The following METTL8 variants were observed in gnomAD, a reference collection of about 807,000 sequenced individuals.
METTL8 encodes the protein tRNA N(3)-cytidine methyltransferase METTL8, mitochondrial.
Under a neutral mutation model 48.7 loss-of-function variants are expected in METTL8, and 32 were observed. The observed-to-expected ratio is 0.66, with a 90% CI of 0.50 to 0.88. METTL8 has a LOEUF of 0.88. METTL8 is among the 40% of genes least tolerant of loss of function. The pLI is 0.00. For synonymous variants in METTL8, 136 were observed against 157.1 expected (o/e 0.87, Z 1.01); for missense variants, 464 against 474.4 (o/e 0.98, Z 0.20).
intron 1 of METTL8, among the ~76,000 whole-genome samples, chr2:171,410,011 A>G (rs1690588332): frequency 6.6e-6 from 1 of 152,246 alleles, no homozygotes; most frequent in Non-Finnish European, 1.5e-5. Flanking sequence ...AAAAAAATCA[A>G]TAAATTTAAG....
At chr2:171,361,554 A>G (rs947542873) in intron 2 of METTL8, among the ~76,000 whole-genome samples, 3 of 152,220 alleles carry the variant, frequency 2.0e-5, no homozygotes, top group African/African-American at 2.4e-5. Context: ...TTTATTACAT[A>G]TCAGGTATTG....
chr2:171,330,652 T>A lies in METTL8; in HGVS notation c.767A>T (p.Asp256Val). The change falls in exon 7 of 10, where the codon GAT becomes GTT. Residue 256 changes from aspartate to valine, a missense_variant. Physicochemically the swap from Asp to Val is radical, Grantham distance 152 (BLOSUM62 -3). Transcript: ENST00000375258. ...RATQCFAFVH[D>V]VCDDGLPYPF... ...GTAAGGTAAGCCATCATCACATACA[T>A]CATGAACAAAGGCAAAACACTGGGT... The A allele has an allele frequency of 6.2e-7, 1 of 1,613,322 alleles. No individual in the cohort carries two copies. The highest frequency in any genetic ancestry group is 2.2e-5 in the East Asian group (1 of 44,860).
intron 1 of METTL8, among the ~76,000 whole-genome samples, chr2:171,431,570 C>T (rs1379699703): frequency 1.3e-5 from 2 of 152,344 alleles, no homozygotes; most frequent in South Asian, 2.1e-4. Context: ...CTTCTCTGTC[C>T]TCCTCACCCT....
At chr2:171,341,467 G>A (rs1269269212) in intron 3 of METTL8, among the ~76,000 whole-genome samples, 1 of 151,752 alleles carries the variant, frequency 6.6e-6, no homozygotes, top group Non-Finnish European at 1.5e-5. Context: ...TCAAACTCCT[G>A]ACCTCAAGTG....
chr2:171,359,264 A>G (rs1684912565), intron 3 of METTL8, among the ~76,000 whole-genome samples: 1 of 152,214 alleles, frequency 6.6e-6, no homozygotes, highest in Non-Finnish European at 1.5e-5. Context: ...AAAAATGCTC[A>G]ATATCACTAA....
intron 5 of METTL8, among the ~76,000 whole-genome samples, chr2:171,334,768 T>C (rs944304238): frequency 3.3e-5 from 5 of 152,108 alleles, no homozygotes; most frequent in African/African-American, 1.2e-4. Context: ...ACCAAGAGCT[T>C]GCAATTATAA....
chr2:171,393,009 C>A (rs988705646), intron 1 of METTL8, among the ~76,000 whole-genome samples: 2 of 151,712 alleles, frequency 1.3e-5, no homozygotes, highest in African/African-American at 2.4e-5. Flanking sequence ...GAGGCTGAGG[C>A]AAGAGAATCG....
At chr2:171,411,830 T>C (rs1690786119) in intron 1 of METTL8, among the ~76,000 whole-genome samples, 1 of 152,178 alleles carries the variant, frequency 6.6e-6, no homozygotes, top group Non-Finnish European at 1.5e-5. Flanking sequence ...ATTGCTTACA[T>C]TTAAATGTAT....
chr2:171,392,222 A>G (rs1321686304), intron 1 of METTL8, 25 bp from the exon 2 acceptor site: 3 of 1,533,848 alleles, frequency 2.0e-6, no homozygotes, highest in Non-Finnish European at 2.6e-6. Flanking sequence ...ATGATTAATT[A>G]GTCAACATAG....
At chr2:171,378,483 T>G (rs1197817750) in intron 2 of METTL8, among the ~76,000 whole-genome samples, 1 of 151,866 alleles carries the variant, frequency 6.6e-6, no homozygotes, top group Non-Finnish European at 1.5e-5. Flanking sequence ...AATACAAAAA[T>G]TAGCTGGGTG....
At position 171,346,526 on chromosome 2, in the gene METTL8, A is replaced by G. The variant is rs1219409269; in HGVS notation, c.236-6972T>C. ...GCCTGAGACACACAGAGACCAAAAG[A>G]AATGTGCCAGAGAGTTGGCCAGCAT... On this transcript the variant is annotated intron_variant, in intron 3 of 9. Transcript: ENST00000375258. Among the ~76,000 whole-genome samples, 3 of 152,228 alleles carry G rather than the reference A, an allele frequency of 2.0e-5. 1 individual carries two copies. Among genetic ancestry groups the G allele is most frequent in the Non-Finnish European group, 4.4e-5 (3 of 68,040 alleles).
intron 6 of METTL8, among the ~76,000 whole-genome samples, chr2:171,331,563 C>T (rs1340814174): frequency 6.6e-6 from 1 of 151,970 alleles, no homozygotes; most frequent in East Asian, 1.9e-4. Context: ...ACTACAGGCA[C>T]GTGCTACCAC....
chr2:171,319,525 A>C lies in METTL8; in HGVS notation c.*4647T>G, dbSNP rs1017758918. 6.6e-6 allele frequency: 1 copy of C among 152,252 alleles called. No individual in the cohort carries two copies. The highest frequency in any genetic ancestry group is 1.5e-5 in the Non-Finnish European group (1 of 68,038). The allele number at this position is 152,252 out of a possible 1,614,324, so 9.4% of individuals were successfully genotyped here. ...TGCCTCCAAGAGGGCAGCTATCTGC[A>C]TATGGGTGAATTTTCACGTACAAGC... is the stretch of plus-strand genomic sequence containing the variant. On this transcript the variant is annotated 3_prime_UTR_variant, in exon 10 of 10. Transcript: ENST00000375258.
At chr2:171,341,847 AC>A (rs1686809786) in intron 3 of METTL8, among the ~76,000 whole-genome samples, 1 of 151,818 alleles carries the variant, frequency 6.6e-6, no homozygotes, top group Non-Finnish European at 1.5e-5. Context: ...ACACACACAC[AC>A]ACACACACAC....
At chr2:171,354,904 A>C (rs1028665934) in intron 3 of METTL8, among the ~76,000 whole-genome samples, 1 of 152,000 alleles carries the variant, frequency 6.6e-6, no homozygotes, top group Non-Finnish European at 1.5e-5. Flanking sequence ...AATGGGCTCG[A>C]ACATCCTCCT....
intron 2 of METTL8, among the ~76,000 whole-genome samples, chr2:171,374,417 A>T (rs1686724269): frequency 6.6e-6 from 1 of 152,204 alleles, no homozygotes; most frequent in South Asian, 2.1e-4. Context: ...TGATTTCAGT[A>T]TACATAGATC....
chr2:171,431,122 G>A (rs547265185), intron 1 of METTL8, among the ~76,000 whole-genome samples: 31 of 152,296 alleles, frequency 2.0e-4, no homozygotes, highest in African/African-American at 6.0e-4. Context: ...TAAGGGAAGC[G>A]TCCCTGAAGA....
intron 3 of METTL8, among the ~76,000 whole-genome samples, chr2:171,359,550 A>G (rs1272520028): frequency 6.6e-6 from 1 of 152,150 alleles, no homozygotes; most frequent in African/African-American, 2.4e-5. Flanking sequence ...TATATCAAAG[A>G]GATAACTGCA....
At chr2:171,433,028 A>C (rs1268493103) in intron 1 of METTL8, 1 of 152,188 alleles carries the variant, frequency 6.6e-6, no homozygotes, top group Non-Finnish European at 1.5e-5. Context: ...TTATTTACCT[A>C]ATTATTCCAG....
Sources: allele counts gnomAD v4.1 joint callset (sites outside exome capture counted in the v4.1 genomes callset), GRCh38; gene constraint gnomAD v4.1.1; transcripts MANE v1.5; gene names NCBI Gene and HGNC (gene_info 2026-07-23, HGNC 2026-07-21).